Variants in OR4N5 observed in about 807,000 individuals in gnomAD.
OR4N5 encodes olfactory receptor 4N5.
For synonymous variants in OR4N5, 155 were observed against 140.6 expected, an observed-to-expected ratio of 1.10 and a Z score of -0.72; for missense variants, 428 against 370.0, an observed-to-expected ratio of 1.16 and a Z score of -1.29.
intron 1 of OR4N5, among the ~76,000 whole-genome samples, chr14:20,140,168 A>G (rs1054844436): frequency 1.3e-5 from 2 of 152,198 alleles, no homozygotes; most frequent in Non-Finnish European, 2.9e-5. Flanking sequence ...AGTAAAGGGT[A>G]GGCATTGAAT....
chr14:20,143,993 C>T lies in OR4N5; in HGVS notation c.258C>T (p.Leu86=). The T allele has an allele frequency of 6.2e-7, 1 of 1,614,092 alleles. No homozygotes were observed. Among genetic ancestry groups the T allele is most frequent in the South Asian group, 1.1e-5 (1 of 91,068 alleles). The change falls in exon 3 of 3, where the codon CTC becomes CTT. Residue 86 remains leucine, a synonymous_variant. Transcript: ENST00000641086. ...IVVPRMLVDF[L]SEKKVISYRS... ...TTCCCAGGATGTTGGTGGACTTCCT[C>T]TCTGAGAAGAAGGTAATCTCCTATA...
chr14:20,142,601 T>G (rs1159284561), intron 2 of OR4N5, among the ~76,000 whole-genome samples: 1 of 152,190 alleles, frequency 6.6e-6, no homozygotes, highest in Non-Finnish European at 1.5e-5. Context: ...GACAAAGCTA[T>G]GGCCAGAAAA....
intron 2 of OR4N5, among the ~76,000 whole-genome samples, chr14:20,141,958 C>T (rs1043122933): frequency 6.6e-6 from 1 of 152,062 alleles, no homozygotes; most frequent in South Asian, 2.1e-4. Flanking sequence ...TCAAGGGTAA[C>T]ATTTGTACAT....
intron 1 of OR4N5, among the ~76,000 whole-genome samples, 168 bp from the exon 2 acceptor site, chr14:20,140,675 T>C (rs1421348717): frequency 6.6e-6 from 1 of 152,220 alleles, no homozygotes; most frequent in Non-Finnish European, 1.5e-5. Flanking sequence ...GGAGTATGTA[T>C]GTATGTACAT....
At chr14:20,139,105 T>C (rs1878566962) in intron 1 of OR4N5, among the ~76,000 whole-genome samples, 1 of 152,194 alleles carries the variant, frequency 6.6e-6, no homozygotes, top group East Asian at 1.9e-4. Flanking sequence ...TATCTAATAC[T>C]TAGTACTATT....
chr14:20,144,156 T>C lies in OR4N5; in HGVS notation c.421T>C (p.Cys141Arg), dbSNP rs140077396. The C allele has an allele frequency of 1.6e-4, 258 of 1,614,032 alleles. No homozygotes were observed. Among genetic ancestry groups the C allele is most frequent in the Non-Finnish European group, 2.2e-4 (254 of 1,179,996 alleles). ...TTCAACCATCATGAACCCTAGAGCC[T>C]GCTATGCATTATCGTTGGTTCTGTG... ...HYSTIMNPRA[C>R]YALSLVLWLG... is the part of the protein sequence containing the mutation. The change falls in exon 3 of 3, where the codon TGC becomes CGC. Residue 141 changes from cysteine (C) to arginine (R), a missense_variant. Cys to Arg is a radical substitution (Grantham distance 180). Coordinates refer to ENST00000641086, the MANE Select transcript of OR4N5 (RefSeq NM_001004724.2).
At position 20,143,929 on chromosome 14, in the gene OR4N5, A is replaced by T. The variant is rs1361630087; in HGVS notation, c.194A>T (p.Asn65Ile). ...LTAPLYFFLGNLALLDASYSF... is the reference protein window; with the variant it reads ...LTAPLYFFLGILALLDASYSF... ...GCCCCCCTCTATTTCTTTCTGGGCA[A>T]CTTGGCCTTACTGGATGCATCCTAC... The change falls in exon 3 of 3, where the codon AAC becomes ATC. Residue 65 changes from asparagine (N) to isoleucine (I), a missense_variant. Transcript: ENST00000641086. 2 of 1,613,896 alleles carry T rather than the reference A, an allele frequency of 1.2e-6. No homozygotes were observed. Among genetic ancestry groups the T allele is most frequent in the Admixed American group, 1.7e-5 (1 of 59,986 alleles).
intron 1 of OR4N5, among the ~76,000 whole-genome samples, chr14:20,140,502 T>C (rs1337432145): frequency 6.6e-6 from 1 of 152,150 alleles, no homozygotes; most frequent in Admixed American, 6.6e-5. Flanking sequence ...TGCTAGGATG[T>C]TGATCAGGTC....
intron 1 of OR4N5, among the ~76,000 whole-genome samples, chr14:20,139,491 C>A (rs1473308498): frequency 6.6e-6 from 1 of 152,082 alleles, no homozygotes; most frequent in Non-Finnish European, 1.5e-5. Context: ...TTTACTGAGA[C>A]CCTTCCTAGA....
intron 2 of OR4N5, among the ~76,000 whole-genome samples, chr14:20,143,037 C>G (rs146467202): frequency 1.6e-3 from 241 of 152,260 alleles, no homozygotes; most frequent in African/African-American, 5.7e-3. Flanking sequence ...TTAACTAGAA[C>G]TTAAGAACAG....
chr14:20,144,012 TC>T lies in OR4N5; in HGVS notation c.279del (p.Tyr94IlefsTer24). On this transcript the variant is annotated frameshift_variant, in exon 3 of 3. Transcript: ENST00000641086. LOFTEE classifies it low-confidence loss of function (END_TRUNC). ...CTTCCTCTCTGAGAAGAAGGTAATCTCCTATAGAAGCTGCATCACTCAGCTC... is the reference window on the plus strand; with the variant it reads ...CTTCCTCTCTGAGAAGAAGGTAATCTCTATAGAAGCTGCATCACTCAGCTC... The part of the protein sequence containing the change: ...VDFLSEKKVI[S>X]YRSCITQLFF... The T allele has an allele frequency of 6.2e-7, 1 of 1,614,078 alleles. No homozygotes were observed. The highest frequency in any genetic ancestry group is 8.5e-7 in the Non-Finnish European group (1 of 1,179,980).
At chr14:20,143,204 G>A (rs1363758729) in intron 2 of OR4N5, among the ~76,000 whole-genome samples, 1 of 152,170 alleles carries the variant, frequency 6.6e-6, no homozygotes, top group African/African-American at 2.4e-5. Context: ...ATGGGAATAA[G>A]CAAGGAACAA....
Position 20,144,177 on chromosome 14 carries a change from C to T in OR4N5, c.442C>T (p.Leu148=). 6.2e-7 allele frequency: 1 copy of T among 1,614,128 alleles called. No individual in the cohort carries two copies. Among genetic ancestry groups the T allele is most frequent in the East Asian group, 2.2e-5 (1 of 44,876 alleles). The change falls in exon 3 of 3, where the codon CTG becomes TTG. Residue 148 remains leucine, a synonymous_variant. Transcript: ENST00000641086. The part of the protein sequence containing the change: ...PRACYALSLV[L]WLGGFIHSIV... ...AGCCTGCTATGCATTATCGTTGGTT[C>T]TGTGGCTTGGGGGCTTTATCCATTC... is the stretch of plus-strand genomic sequence containing the variant.
In OR4N5 at chr14:20,143,977, T is replaced by A. The variant is rs992647854; in HGVS notation, c.242T>A (p.Met81Lys). 1.1e-5 allele frequency: 18 copies of A among 1,613,960 alleles called. No individual in the cohort carries two copies. The highest frequency in any genetic ancestry group is 1.4e-5 in the Non-Finnish European group (16 of 1,179,974). ...TACTCCTTCATTGTGGTTCCCAGGA[T>A]GTTGGTGGACTTCCTCTCTGAGAAG... is the stretch of plus-strand genomic sequence containing the variant. ...ASYSFIVVPR[M>K]LVDFLSEKKV... The change falls in exon 3 of 3, where the codon ATG becomes AAG. Residue 81 changes from methionine (M) to lysine (K), a missense_variant. Transcript: ENST00000641086.
At position 20,140,877 on chromosome 14, in the gene OR4N5, G is replaced by C. The variant is rs1465045292; in HGVS notation, c.-346G>C. 6.6e-6 allele frequency: 1 copy of C among 151,188 alleles called. No individual in the cohort carries two copies. The highest frequency in any genetic ancestry group is 1.5e-5 in the Non-Finnish European group (1 of 67,848). The allele number at this position is 151,188 out of a possible 1,614,324, so 9.4% of individuals were successfully genotyped here. On this transcript the variant is annotated 5_prime_UTR_variant, in exon 2 of 3. Coordinates refer to ENST00000641086, the MANE Select transcript of OR4N5 (RefSeq NM_001004724.2). Reference sequence around the variant, plus strand: ...TTTGCCCCTGTGAGATCCATTGTTTGGTGCTTTTTTTTTTTCGGGAACTCA... The same window carrying C: ...TTTGCCCCTGTGAGATCCATTGTTTCGTGCTTTTTTTTTTTCGGGAACTCA...
At chr14:20,141,376 G>A (rs1878612623) in intron 2 of OR4N5, among the ~76,000 whole-genome samples, 165 bp downstream of exon 2, 1 of 152,052 alleles carries the variant, frequency 6.6e-6, no homozygotes, top group Non-Finnish European at 1.5e-5. Context: ...TCCTATTTCG[G>A]TTTTCTTAGA....
chr14:20,144,059 A>G lies in OR4N5; in HGVS notation c.324A>G (p.Gly108=). The change falls in exon 3 of 3, where the codon GGA becomes GGG. Residue 108 remains glycine (G), a synonymous_variant. Transcript: ENST00000641086. ...ITQLFFLHFL[G]AGEMFLLVVM... is the part of the protein sequence containing the mutation. Reference sequence around the variant, plus strand: ...AGCTCTTTTTCTTGCATTTTCTTGGAGCGGGAGAGATGTTCCTCCTCGTTG... The same window carrying G: ...AGCTCTTTTTCTTGCATTTTCTTGGGGCGGGAGAGATGTTCCTCCTCGTTG... 2 of 1,614,010 alleles carry G rather than the reference A, an allele frequency of 1.2e-6. No homozygotes were observed. The highest frequency in any genetic ancestry group is 8.5e-7 in the Non-Finnish European group (1 of 1,179,986).
chr14:20,144,621 G>T lies in OR4N5; in HGVS notation c.886G>T (p.Ala296Ser), dbSNP rs1419491497. The change falls in exon 3 of 3, where the codon GCT becomes TCT. Residue 296 changes from alanine (A) to serine (S), a missense_variant. By Grantham distance (99) the Ala-to-Ser change is moderately conservative (BLOSUM62 1). Coordinates refer to ENST00000641086, the MANE Select transcript of OR4N5 (RefSeq NM_001004724.2). ...IYTLRNQEVK[A>S]SMRKLLSQHM... ...TACGCTTCGCAACCAGGAGGTGAAA[G>T]CTTCCATGAGGAAGTTGTTAAGTCA... The T allele has an allele frequency of 6.2e-7, 1 of 1,612,774 alleles. No individual in the cohort carries two copies. Among genetic ancestry groups the T allele is most frequent in the Non-Finnish European group, 8.5e-7 (1 of 1,179,664 alleles).
intron 2 of OR4N5, among the ~76,000 whole-genome samples, chr14:20,141,819 A>G (rs982673952): frequency 2.6e-5 from 4 of 152,190 alleles, no homozygotes; most frequent in African/African-American, 9.6e-5. Flanking sequence ...AATGGTTTTA[A>G]GTATGTTTAC....
Sources: allele counts gnomAD v4.1 joint callset (sites outside exome capture counted in the v4.1 genomes callset), GRCh38; gene constraint gnomAD v4.1.1; transcripts MANE v1.5; gene names NCBI Gene and HGNC (gene_info 2026-07-23, HGNC 2026-07-21).